The following RPH3A variants were observed in gnomAD, a reference collection of about 807,000 sequenced individuals.
The protein encoded by RPH3A is rabphilin-3A.
A neutral mutation model predicts 102.2 loss-of-function variants in RPH3A; 48 were observed. That is an observed-to-expected ratio of 0.47 (90% confidence interval 0.37 to 0.60). The LOEUF is 0.60. RPH3A is among the 20% of genes least tolerant of loss of function. The pLI is 0.00. For synonymous variants in RPH3A, 310 were observed against 324.3 expected (o/e 0.96, Z 0.47); for missense variants, 781 against 910.1 (o/e 0.86, Z 1.83).
At chr12:112,727,486 C>T (rs2040601413) in intron 1 of RPH3A, among the ~76,000 whole-genome samples, 1 of 108,122 alleles carries the variant, frequency 9.2e-6, no homozygotes, top group Non-Finnish European at 1.9e-5. Context: ...CACACACACA[C>T]ACACAGACCC....
At chr12:112,577,004 C>G (rs1336735620) in intron 1 of RPH3A, among the ~76,000 whole-genome samples, 3 of 150,368 alleles carry the variant, frequency 2.0e-5, no homozygotes, top group African/African-American at 4.9e-5. Context: ...CTCCCGGGCT[C>G]AAGCTATCCT....
rs115736868 is a variant in RPH3A, at chr12:112,846,053, A to G, written c.84-1643A>G. ...CCAGTGCAGCTGGAGCCTAGTGACC[A>G]GGGGGAGCAAGGGGCAATGAGGACA... On this transcript the variant is annotated intron_variant, in intron 4 of 21. Transcript: ENST00000389385. Among the ~76,000 whole-genome samples, 1,025 of 152,310 alleles carry G rather than the reference A, an allele frequency of 6.7e-3. 10 individuals are homozygous for G. Among genetic ancestry groups the G allele is most frequent in the African/African-American group, 0.017 (709 of 41,572 alleles).
intron 4 of RPH3A, among the ~76,000 whole-genome samples, chr12:112,838,564 G>A (rs544147239): frequency 1.3e-5 from 2 of 152,320 alleles, no homozygotes; most frequent in South Asian, 4.1e-4. Context: ...GGCATCCAAG[G>A]GGAAGGGAGG....
intron 1 of RPH3A, among the ~76,000 whole-genome samples, chr12:112,663,227 G>A (rs2040062161): frequency 6.6e-6 from 1 of 151,914 alleles, no homozygotes; most frequent in Non-Finnish European, 1.5e-5. Context: ...TTTTAGTGGT[G>A]GGGACAGGAT....
intron 1 of RPH3A, among the ~76,000 whole-genome samples, chr12:112,721,639 ATTT>A (rs61408179): frequency 6.9e-6 from 1 of 144,528 alleles, no homozygotes. Flanking sequence ...TAGAAAATGG[ATTT>A]TTTTTTTTTT....
chr12:112,838,954 T>C (rs1448871387), intron 4 of RPH3A, among the ~76,000 whole-genome samples: 1 of 152,112 alleles, frequency 6.6e-6, no homozygotes, highest in Non-Finnish European at 1.5e-5. Context: ...GCAGGTGCCT[T>C]CAGGTAGCAG....
At chr12:112,865,272 C>A in intron 5 of RPH3A, 142 bp from the exon 6 acceptor site, 2 of 985,608 alleles carry the variant, frequency 2.0e-6, no homozygotes, top group Non-Finnish European at 3.0e-6. Flanking sequence ...TGTGCCTTTT[C>A]TTGGGGAAGA....
intron 1 of RPH3A, among the ~76,000 whole-genome samples, chr12:112,633,488 TATAAG>T (rs926528009): frequency 2.0e-5 from 3 of 152,012 alleles, no homozygotes; most frequent in African/African-American, 7.3e-5. Context: ...CTGGTGGCCT[TATAAG>T]AAGAGGAAGA....
intron 1 of RPH3A, among the ~76,000 whole-genome samples, chr12:112,654,185 T>G (rs1289155393): frequency 6.6e-6 from 1 of 152,192 alleles, no homozygotes; most frequent in Non-Finnish European, 1.5e-5. Context: ...GGGGGTTTGC[T>G]TGGTTTGTTT....
At chr12:112,837,731 G>A (rs2042076473) in intron 4 of RPH3A, 1 of 455,792 alleles carries the variant, frequency 2.2e-6, no homozygotes, top group Non-Finnish European at 4.4e-6. Context: ...TGACAAATAT[G>A]AACATCACCA....
intron 1 of RPH3A, among the ~76,000 whole-genome samples, chr12:112,703,933 A>T (rs1433447099): frequency 6.6e-6 from 1 of 151,304 alleles, no homozygotes; most frequent in East Asian, 1.9e-4. Flanking sequence ...TATTACAATT[A>T]TAACCTCAAA....
intron 3 of RPH3A, among the ~76,000 whole-genome samples, chr12:112,835,125 T>A (rs1004368883): frequency 7.2e-5 from 11 of 152,234 alleles, no homozygotes; most frequent in Admixed American, 3.9e-4. Flanking sequence ...AAATGTCTCA[T>A]GTCTGTTTAC....
intron 1 of RPH3A, among the ~76,000 whole-genome samples, chr12:112,716,035 G>A (rs1047589426): frequency 1.3e-5 from 2 of 152,184 alleles, no homozygotes; most frequent in Non-Finnish European, 2.9e-5. Context: ...TATGGCACTG[G>A]TGGGAGTGTT....
intron 1 of RPH3A, among the ~76,000 whole-genome samples, chr12:112,670,743 T>C (rs546618368): frequency 4.6e-5 from 7 of 152,170 alleles, no homozygotes; most frequent in Non-Finnish European, 8.8e-5. Context: ...TTACCATCTA[T>C]TTCAAGCTTG....
At chr12:112,580,780 G>T (rs2039395504) in intron 1 of RPH3A, among the ~76,000 whole-genome samples, 2 of 152,256 alleles carry the variant, frequency 1.3e-5, no homozygotes, top group African/African-American at 4.8e-5. Flanking sequence ...CTTTAATGTA[G>T]TTTAGTCAAG....
intron 1 of RPH3A, among the ~76,000 whole-genome samples, chr12:112,673,031 A>G (rs1444854926): frequency 6.6e-6 from 1 of 152,020 alleles, no homozygotes; most frequent in Admixed American, 6.6e-5. Flanking sequence ...TGAGTTTCCC[A>G]GCAGGAGTTC....
intron 10 of RPH3A, among the ~76,000 whole-genome samples, chr12:112,870,881 G>T (rs760712877): frequency 2.0e-5 from 3 of 152,130 alleles, no homozygotes; most frequent in Non-Finnish European, 4.4e-5. Context: ...TCAACATCAG[G>T]AAGTATTTAT....
intron 1 of RPH3A, among the ~76,000 whole-genome samples, chr12:112,772,838 G>A (rs895222595): frequency 1.3e-5 from 2 of 151,646 alleles, no homozygotes; most frequent in Admixed American, 6.6e-5. Context: ...CTCATCTCCC[G>A]AGCAGTATAC....
intron 1 of RPH3A, among the ~76,000 whole-genome samples, chr12:112,663,752 A>G (rs1353545578): frequency 2.0e-5 from 3 of 152,086 alleles, no homozygotes; most frequent in African/African-American, 7.2e-5. Context: ...CACCCCCAGC[A>G]TGTTGGCCTC....
Sources: allele counts gnomAD v4.1 joint callset (sites outside exome capture counted in the v4.1 genomes callset), GRCh38; gene constraint gnomAD v4.1.1; transcripts MANE v1.5; gene names NCBI Gene and HGNC (gene_info 2026-07-23, HGNC 2026-07-21).